The following KCNQ1 variants were observed in gnomAD, a reference collection of about 807,000 sequenced individuals.
The protein encoded by KCNQ1 is potassium voltage-gated channel subfamily KQT member 1.
A neutral mutation model predicts 72.4 loss-of-function variants in KCNQ1; 49 were observed. The ratio of observed to expected loss-of-function variants is 0.68; its 90% confidence interval spans 0.54 to 0.86. KCNQ1 has a LOEUF of 0.86. Among genes scored for constraint, KCNQ1 ranks in the 40% least tolerant of loss-of-function variants. KCNQ1 has a pLI of 0.00. For synonymous variants in KCNQ1, 450 were observed against 412.6 expected (o/e 1.09, Z -1.10); for missense variants, 790 against 945.1 (o/e 0.84, Z 2.15).
intron 2 of KCNQ1, among the ~76,000 whole-genome samples, chr11:2,532,505 C>T (rs995227640): frequency 7.4e-4 from 112 of 152,290 alleles, no homozygotes; most frequent in African/African-American, 2.6e-3. Context: ...GGTGGGGGCA[C>T]GTTGGGGACA....
At position 2,537,463 on chromosome 11, in the gene KCNQ1, G is replaced by A. The variant is rs1247221109; in HGVS notation, c.477+9445G>A. On this transcript the variant is annotated intron_variant, in intron 2 of 15. Transcript: ENST00000155840. This position sits in a 1 kb window ranked among gnomAD's most constrained non-coding sequence, Gnocchi z 5.2. ...GGAAAATAGAAGTGGGAGAGCGTGTGCCCCGGGCCAGCCCACCGTGCCCCA... is the reference window on the plus strand; with the variant it reads ...GGAAAATAGAAGTGGGAGAGCGTGTACCCCGGGCCAGCCCACCGTGCCCCA... Among the ~76,000 whole-genome samples, 1 of 152,022 alleles carries A rather than the reference G, an allele frequency of 6.6e-6. No homozygotes were observed. Among genetic ancestry groups the A allele is most frequent in the Non-Finnish European group, 1.5e-5 (1 of 68,000 alleles).
Position 2,479,282 on chromosome 11 carries a change from G to A in KCNQ1, c.386+33798G>A, listed in dbSNP as rs1024700278. On this transcript the variant is annotated intron_variant, in intron 1 of 15. Transcript: ENST00000155840. The surrounding 1 kb of genome is among the most constrained non-coding windows in gnomAD (Gnocchi z 4.6). The stretch of plus-strand genomic sequence containing the variant: ...CAGTGCCCCAGTGGGGACTTTGCAT[G>A]GGGGCTCCAACCCCACTTTTCCCTT... 6.6e-6 allele frequency among the ~76,000 whole-genome samples: 1 copy of A among 152,210 alleles called. No homozygotes were observed. Among genetic ancestry groups the A allele is most frequent in the African/African-American group, 2.4e-5 (1 of 41,468 alleles).
Position 2,544,564 on chromosome 11 carries a change from C to T in KCNQ1, c.477+16546C>T, listed in dbSNP as rs1847878620. On this transcript the variant is annotated intron_variant, in intron 2 of 15. Transcript: ENST00000155840. The surrounding 1 kb of genome is among the most constrained non-coding windows in gnomAD (Gnocchi z 4.4). ...TAGTTTTTAGTGTATAGGTCTTGTA[C>T]ATCTTTTGAGGTACCTAAGTGTTTC... is the stretch of plus-strand genomic sequence containing the variant. 6.6e-6 allele frequency among the ~76,000 whole-genome samples: 1 copy of T among 151,558 alleles called. No homozygotes were observed. The highest frequency in any genetic ancestry group is 1.5e-5 in the Non-Finnish European group (1 of 67,812).
In KCNQ1 at chr11:2,598,202, T is replaced by G. The variant is rs567409660; in HGVS notation, c.1393+9348T>G. Among the ~76,000 whole-genome samples the G allele has an allele frequency of 6.6e-6, 1 of 152,354 alleles. No homozygotes were observed. Among genetic ancestry groups the G allele is most frequent in the South Asian group, 2.1e-4 (1 of 4,828 alleles). ...TATAAATTTTCCTCTGATTGCAGCT[T>G]TAGCTGTGACACGTAGATCTGATTA... On this transcript the variant is annotated intron_variant, in intron 10 of 15. Transcript: ENST00000155840. This position sits in a 1 kb window ranked among gnomAD's most constrained non-coding sequence, Gnocchi z 6.2.
At chr11:2,841,996 C>T (rs983924121) in intron 15 of KCNQ1, among the ~76,000 whole-genome samples, 6 of 152,324 alleles carry the variant, frequency 3.9e-5, no homozygotes, top group East Asian at 3.9e-4. Flanking sequence ...CGCATGGTTG[C>T]GCTGTGCCGA....
At chr11:2,555,899 G>A (rs1373110264) in intron 2 of KCNQ1, among the ~76,000 whole-genome samples, 1 of 152,206 alleles carries the variant, frequency 6.6e-6, no homozygotes, top group Non-Finnish European at 1.5e-5. Context: ...CCCCGCCTGG[G>A]GAGAGAGAAG....
rs931776444 is a variant in KCNQ1 at position 2,520,490 on chromosome 11, C to CTGACAGCCACTGGTGAGGGGGG, written c.387-7411_387-7390dup. Among the ~76,000 whole-genome samples the CTGACAGCCACTGGTGAGGGGGG allele has an allele frequency of 1.2e-4, 18 of 152,282 alleles. No homozygotes were observed. The South Asian group carries it at 1.5e-3, about 12-fold the overall frequency. On this transcript the variant is annotated intron_variant, in intron 1 of 15. Coordinates refer to ENST00000155840, the MANE Select transcript of KCNQ1 (RefSeq NM_000218.3). Reference sequence around the variant, plus strand: ...CTCCAAACCCTGCTGAGGCTGCCTGCTGACAGCCACTGGTGAGGGGGGTGA... The same window carrying CTGACAGCCACTGGTGAGGGGGG: ...CTCCAAACCCTGCTGAGGCTGCCTGCTGACAGCCACTGGTGAGGGGGGTGACAGCCACTGGTGAGGGGGGTGA...
intron 11 of KCNQ1, among the ~76,000 whole-genome samples, chr11:2,761,737 C>T (rs1846399326): frequency 6.6e-6 from 1 of 152,232 alleles, no homozygotes; most frequent in African/African-American, 2.4e-5. Context: ...AGCCAGGTAG[C>T]CAGCGCTGTC....
Position 2,538,987 on chromosome 11 carries a change from G to T in KCNQ1, c.477+10969G>T, listed in dbSNP as rs1478815874. 6.6e-6 allele frequency among the ~76,000 whole-genome samples: 1 copy of T among 152,232 alleles called. No homozygotes were observed. The highest frequency in any genetic ancestry group is 1.5e-5 in the Non-Finnish European group (1 of 68,034). On this transcript the variant is annotated intron_variant, in intron 2 of 15. Transcript: ENST00000155840. The surrounding 1 kb of genome is among the most constrained non-coding windows in gnomAD (Gnocchi z 6.7). ...CAGTCAGCGTCTTTCCTCCAGGGAG[G>T]CTGTGCAGAGGGAAGGCAGTGAGCC...
chr11:2,632,188 A>AG, intron 10 of KCNQ1: 2 of 390,782 alleles, frequency 5.1e-6, no homozygotes, highest in Admixed American at 8.9e-5. Context: ...GCCTCAAAAA[A>AG]AAAAAAAAAA....
rs767886583 is a variant in KCNQ1, at chr11:2,449,690, G to A, written c.386+4206G>A. ...GGCAGCTGAGATGGGCAGGAGCACC[G>A]TGCCCACCGAGGGTGTCAGAGTGAC... On this transcript the variant is annotated intron_variant, in intron 1 of 15. Coordinates refer to ENST00000155840, the MANE Select transcript of KCNQ1 (RefSeq NM_000218.3). 1.9e-4 allele frequency among the ~76,000 whole-genome samples: 29 copies of A among 152,204 alleles called. 1 individual carries two copies. Among genetic ancestry groups the A allele is most frequent in the East Asian group, 5.8e-4 (3 of 5,192 alleles).
rs1388960845 is a variant in KCNQ1 at position 2,652,492 on chromosome 11, G to A, written c.1394-9469G>A. 5.0e-6 allele frequency: 2 copies of A among 398,470 alleles called. No individual in the cohort carries two copies. Among genetic ancestry groups the A allele is most frequent in the African/African-American group, 4.1e-5 (2 of 48,612 alleles). 24.7% of individuals were successfully genotyped at this position (398,470 alleles called of 1,614,324 possible). On this transcript the variant is annotated intron_variant, in intron 10 of 15. Coordinates refer to ENST00000155840, the MANE Select transcript of KCNQ1 (RefSeq NM_000218.3). This position sits in a 1 kb window ranked among gnomAD's most constrained non-coding sequence, Gnocchi z 5.9. The stretch of plus-strand genomic sequence containing the variant: ...AGAAACTTTCCTCCCCACCTCTCCA[G>A]AGGTTTCTGGGGAATGTCCTGTGAG...
intron 11 of KCNQ1, among the ~76,000 whole-genome samples, chr11:2,718,336 C>T (rs1193236215): frequency 2.6e-5 from 4 of 152,222 alleles, no homozygotes; most frequent in African/African-American, 9.7e-5. Flanking sequence ...GACTGGCTTC[C>T]CTGCATCTGG....
At chr11:2,519,954 G>A (rs1472035067) in intron 1 of KCNQ1, among the ~76,000 whole-genome samples, 1 of 152,228 alleles carries the variant, frequency 6.6e-6, no homozygotes, top group Non-Finnish European at 1.5e-5. Context: ...GGAGGATCCG[G>A]CCACATGCTG....
chr11:2,749,277 G>T (rs889766856), intron 11 of KCNQ1, among the ~76,000 whole-genome samples: 3 of 152,172 alleles, frequency 2.0e-5, no homozygotes, highest in Non-Finnish European at 4.4e-5. Context: ...AGGGGTTTGG[G>T]GTTGAGATTG....
In KCNQ1 at chr11:2,471,647, CAT is replaced by C. The variant is rs58127575; in HGVS notation, c.386+26164_386+26165del. ...GCACGTATGCACGGATGTGTGTACA[CAT>C]GTGTATGGGTGTGTGCATGGGTGTG... On this transcript the variant is annotated intron_variant, in intron 1 of 15. Coordinates refer to ENST00000155840, the MANE Select transcript of KCNQ1 (RefSeq NM_000218.3). This position sits in a 1 kb window ranked among gnomAD's most constrained non-coding sequence, Gnocchi z 4.8. 3.2e-3 allele frequency among the ~76,000 whole-genome samples: 487 copies of C among 151,092 alleles called. 2 individuals are homozygous for C. The highest frequency in any genetic ancestry group is 0.011 in the African/African-American group (448 of 41,122).
rs557573600 is a variant in KCNQ1 at position 2,526,174 on chromosome 11, C to T, written c.387-1754C>T. Among the ~76,000 whole-genome samples the T allele has an allele frequency of 9.2e-5, 14 of 152,180 alleles. No homozygotes were observed. The South Asian group carries it at 2.3e-3, about 25-fold the overall frequency. On this transcript the variant is annotated intron_variant, in intron 1 of 15. Coordinates refer to ENST00000155840, the MANE Select transcript of KCNQ1 (RefSeq NM_000218.3). The surrounding 1 kb of genome is among the most constrained non-coding windows in gnomAD (Gnocchi z 6.1). The stretch of plus-strand genomic sequence containing the variant: ...AGGAGCTGGGGTGATCTGGGGCCAT[C>T]GTGGTGTAAATACTGGGGCACGACA...
rs538651332 is a variant in KCNQ1, at chr11:2,603,947, T to G, written c.1393+15093T>G. Among the ~76,000 whole-genome samples, 316 of 152,206 alleles carry G rather than the reference T, an allele frequency of 2.1e-3. No individual in the cohort carries two copies. The highest frequency in any genetic ancestry group is 4.0e-3 in the Non-Finnish European group (275 of 67,998). Reference sequence around the variant, plus strand: ...CTCAGGTGATCCGCCCACCTCGGCCTCCTAACCTGCTGGGACCACAGGCGT... The same window carrying G: ...CTCAGGTGATCCGCCCACCTCGGCCGCCTAACCTGCTGGGACCACAGGCGT... On this transcript the variant is annotated intron_variant, in intron 10 of 15. Coordinates refer to ENST00000155840, the MANE Select transcript of KCNQ1 (RefSeq NM_000218.3). The surrounding 1 kb of genome is among the most constrained non-coding windows in gnomAD (Gnocchi z 4.1).
rs1404279608 is a variant in KCNQ1 at position 2,762,333 on chromosome 11, C to T, written c.1515-6511C>T. ...ATTATCCAACTTTCTTCGACAGGCC[C>T]GATTGCCTCATAGTTAGGCCTGTGA... On this transcript the variant is annotated intron_variant, in intron 11 of 15. Transcript: ENST00000155840. The surrounding 1 kb of genome is among the most constrained non-coding windows in gnomAD (Gnocchi z 4.3). Among the ~76,000 whole-genome samples, 1 of 152,178 alleles carries T rather than the reference C, an allele frequency of 6.6e-6. No homozygotes were observed. Among genetic ancestry groups the T allele is most frequent in the Non-Finnish European group, 1.5e-5 (1 of 68,034 alleles).
Sources: allele counts gnomAD v4.1 joint callset (sites outside exome capture counted in the v4.1 genomes callset), GRCh38; gene constraint gnomAD v4.1.1; non-coding constraint Gnocchi (gnomAD v3.1); transcripts MANE v1.5; gene names NCBI Gene and HGNC (gene_info 2026-07-23, HGNC 2026-07-21).